The following TUSC3 variants were observed in gnomAD, a reference collection of about 807,000 sequenced individuals.
TUSC3 encodes the protein tumor suppressor candidate 3.
A neutral mutation model predicts 44.8 loss-of-function variants in TUSC3; 45 were observed. The ratio of observed to expected loss-of-function variants is 1.00; its 90% CI spans 0.79 to 1.29. The LOEUF (loss-of-function observed/expected upper bound fraction) is 1.29, where lower values mean the gene tolerates loss of function less well. Among genes scored for constraint, TUSC3 ranks in the 50% most tolerant of loss-of-function variants. TUSC3 has a pLI of 0.00. For synonymous variants in TUSC3, 212 were observed against 152.9 expected, an observed-to-expected ratio of 1.39 and a Z score of -2.85; for missense variants, 519 against 437.9, an observed-to-expected ratio of 1.19 and a Z score of -1.65.
chr8:15,786,907 G>A, the TUSC3 span, among the ~76,000 whole-genome samples: 5 of 131,938 alleles, frequency 3.8e-5, no homozygotes, highest in Non-Finnish European at 7.6e-5. Context: ...TCGTGCCACT[G>A]CACTCCAGCC....
chr8:15,694,808 G>T (rs937214737), intron 6 of TUSC3, among the ~76,000 whole-genome samples: 2 of 152,140 alleles, frequency 1.3e-5, no homozygotes, highest in African/African-American at 2.4e-5. Context: ...GGGGTGAGTT[G>T]TTCCCAGATT....
intron 2 of TUSC3, among the ~76,000 whole-genome samples, chr8:15,629,107 A>T (rs1805643205): frequency 6.6e-6 from 1 of 152,184 alleles, no homozygotes; most frequent in Non-Finnish European, 1.5e-5. Context: ...GATATACATG[A>T]TTTTCGATGG....
At chr8:15,696,163 G>A (rs1809151315) in intron 6 of TUSC3, among the ~76,000 whole-genome samples, 1 of 152,148 alleles carries the variant, frequency 6.6e-6, no homozygotes, top group Non-Finnish European at 1.5e-5. Flanking sequence ...AGAGGCCTAG[G>A]AGGCAAAAAT....
chr8:15,733,380 T>C (rs761707018), intron 7 of TUSC3: 1 of 405,270 alleles, frequency 2.5e-6, no homozygotes, highest in Non-Finnish European at 4.8e-6. Context: ...CTTGTTTCAA[T>C]CCATGATGTA....
At chr8:15,449,460 T>G (rs1381672578) in intron 1 of TUSC3, among the ~76,000 whole-genome samples, 1 of 152,144 alleles carries the variant, frequency 6.6e-6, no homozygotes, top group Non-Finnish European at 1.5e-5. Flanking sequence ...GGTGGTCTCT[T>G]ACCAGGAAGG....
At chr8:15,618,222 C>T (rs954062912) in intron 1 of TUSC3, among the ~76,000 whole-genome samples, 1 of 152,088 alleles carries the variant, frequency 6.6e-6, no homozygotes, top group Non-Finnish European at 1.5e-5. Flanking sequence ...AAACACTGCA[C>T]GCTTAGGCTT....
At chr8:15,521,054 G>A (rs1801290802) in intron 2 of TUSC3, among the ~76,000 whole-genome samples, 2 of 152,190 alleles carry the variant, frequency 1.3e-5, no homozygotes, top group Non-Finnish European at 2.9e-5. Context: ...CCAGCTTGAC[G>A]AGTAGATGAG....
chr8:15,773,673 C>G, the TUSC3 span, among the ~76,000 whole-genome samples: 2 of 152,110 alleles, frequency 1.3e-5, no homozygotes, highest in Non-Finnish European at 2.9e-5. Context: ...ACTTTGAAAA[C>G]TTAATACAAT....
At chr8:15,675,238 G>A (rs1808132394) in intron 6 of TUSC3, among the ~76,000 whole-genome samples, 1 of 151,564 alleles carries the variant, frequency 6.6e-6, no homozygotes, top group African/African-American at 2.4e-5. Flanking sequence ...GACACTTAAC[G>A]TTGTAAATTT....
At chr8:15,747,040 G>A (rs913960523) in intron 8 of TUSC3, among the ~76,000 whole-genome samples, 2 of 151,948 alleles carry the variant, frequency 1.3e-5, no homozygotes, top group African/African-American at 4.8e-5. Context: ...ACACTTGGAT[G>A]CTATTAAATG....
At chr8:15,597,481 T>A (rs188190972) in intron 1 of TUSC3, among the ~76,000 whole-genome samples, 4 of 152,282 alleles carry the variant, frequency 2.6e-5, no homozygotes, top group Admixed American at 2.6e-4. Flanking sequence ...TTGTCTTTCT[T>A]TAAATTATTG....
At chr8:15,654,683 G>C (rs1231428369) in intron 3 of TUSC3, among the ~76,000 whole-genome samples, 1 of 152,094 alleles carries the variant, frequency 6.6e-6, no homozygotes, top group Admixed American at 6.6e-5. Flanking sequence ...TGTAATCCCA[G>C]CTACTGGGGA....
the TUSC3 span, among the ~76,000 whole-genome samples, chr8:15,815,614 T>C: frequency 6.6e-6 from 1 of 152,266 alleles, no homozygotes; most frequent in African/African-American, 2.4e-5. Context: ...CAGCGATCTC[T>C]GCAGCGCAAT....
chr8:15,537,604 A>G (rs1801542419), upstream of TUSC3, among the ~76,000 whole-genome samples: 2 of 152,208 alleles, frequency 1.3e-5, no homozygotes, highest in African/African-American at 2.4e-5. Flanking sequence ...AATGAATGCT[A>G]GAGTTACAAA....
chr8:15,641,352 A>T (rs1806359082), intron 2 of TUSC3, among the ~76,000 whole-genome samples: 1 of 130,726 alleles, frequency 7.6e-6, no homozygotes, highest in Admixed American at 8.6e-5. Context: ...AGAGAGAGAG[A>T]CTCCGTCTCA....
intron 6 of TUSC3, among the ~76,000 whole-genome samples, chr8:15,730,348 A>G (rs1476562815): frequency 2.0e-5 from 3 of 152,116 alleles, no homozygotes; most frequent in Non-Finnish European, 4.4e-5. Context: ...GTTTTGCTAT[A>G]TTTTGTACTT....
intron 1 of TUSC3, among the ~76,000 whole-genome samples, chr8:15,587,171 T>C (rs1370648602): frequency 6.6e-6 from 1 of 152,188 alleles, no homozygotes; most frequent in African/African-American, 2.4e-5. Flanking sequence ...ATACTACTTA[T>C]AACTTGGATT....
intron 1 of TUSC3, among the ~76,000 whole-genome samples, chr8:15,600,716 C>T (rs1402797170): frequency 6.6e-6 from 1 of 151,620 alleles, no homozygotes; most frequent in Non-Finnish European, 1.5e-5. Flanking sequence ...ATTAAAATCA[C>T]TTTCTCTTCT....
intron 2 of TUSC3, among the ~76,000 whole-genome samples, chr8:15,510,911 G>T (rs1278959935): frequency 6.6e-6 from 1 of 152,126 alleles, no homozygotes; most frequent in Non-Finnish European, 1.5e-5. Flanking sequence ...TGCAAGATTG[G>T]TTTACTTGTT....
Sources: allele counts gnomAD v4.1 joint callset (sites outside exome capture counted in the v4.1 genomes callset), GRCh38; gene constraint gnomAD v4.1.1; transcripts MANE v1.5; gene names NCBI Gene and HGNC (gene_info 2026-07-23, HGNC 2026-07-21).